KIRREL3: variants seen among roughly 807,000 people sequenced by gnomAD.
KIRREL3 encodes the protein kin of IRRE-like protein 3.
In KIRREL3, 36 loss-of-function variants were observed where a neutral mutation model predicts 89.7. The observed-to-expected ratio is 0.40, with a 90% confidence interval of 0.31 to 0.53. The LOEUF is 0.53. Among genes scored for constraint, KIRREL3 ranks in the 20% least tolerant of loss-of-function variants. The probability of loss-of-function intolerance (pLI) is 0.49; values close to 1 mark genes in which losing one functional copy is unlikely to be tolerated. For missense variants in KIRREL3, 864 were observed against 1,056.6 expected, an observed-to-expected ratio of 0.82 and a Z score of 2.53; for synonymous variants, 445 against 441.4, an observed-to-expected ratio of 1.01 and a Z score of -0.10.
Position 126,761,834 on chromosome 11 carries a change from C to T in KIRREL3, c.56-198922G>A, listed in dbSNP as rs1291795629. ...GAAGAAGTCTCCCTAGGAAGCTGCTCCCCGCTTTCAATCTCATTTTCTGAT... is the reference window on the plus strand; with the variant it reads ...GAAGAAGTCTCCCTAGGAAGCTGCTTCCCGCTTTCAATCTCATTTTCTGAT... On this transcript the variant is annotated intron_variant, in intron 1 of 16. Transcript: ENST00000525144. This position sits in a 1 kb window ranked among gnomAD's most constrained non-coding sequence, Gnocchi z 4.4. Among the ~76,000 whole-genome samples the T allele has an allele frequency of 6.6e-6, 1 of 152,128 alleles. No homozygotes were observed. The highest frequency in any genetic ancestry group is 1.5e-5 in the Non-Finnish European group (1 of 68,024).
In KIRREL3 at chr11:126,430,618, T is replaced by G. The variant is rs1020407289; in HGVS notation, c.1696+801A>C. 1.1e-4 allele frequency among the ~76,000 whole-genome samples: 17 copies of G among 152,172 alleles called. No homozygotes were observed. Among genetic ancestry groups the G allele is most frequent in the African/African-American group, 3.6e-4 (15 of 41,440 alleles). On this transcript the variant is annotated intron_variant, in intron 14 of 16. Transcript: ENST00000525144. The surrounding 1 kb of genome is among the most constrained non-coding windows in gnomAD (Gnocchi z 6.6). Reference sequence around the variant, plus strand: ...GTGCAGAAAATGCAAGGGGAACAGCTTTCTTCAAACATGTGCAGGCTGCCG... The same window carrying G: ...GTGCAGAAAATGCAAGGGGAACAGCGTTCTTCAAACATGTGCAGGCTGCCG...
intron 2 of KIRREL3, among the ~76,000 whole-genome samples, chr11:126,533,292 AGCCTCTTTGC>A (rs1367759852): frequency 6.6e-6 from 1 of 152,234 alleles, no homozygotes; most frequent in Non-Finnish European, 1.5e-5. Context: ...GTTCCAGAGC[AGCCTCTTTGC>A]GTCCTTATTT....
Position 126,694,195 on chromosome 11 carries a change from G to A in KIRREL3, c.56-131283C>T, listed in dbSNP as rs1727660268. Among the ~76,000 whole-genome samples the A allele has an allele frequency of 6.6e-6, 1 of 152,186 alleles. No homozygotes were observed. The highest frequency in any genetic ancestry group is 1.5e-5 in the Non-Finnish European group (1 of 68,018). On this transcript the variant is annotated intron_variant, in intron 1 of 16. Transcript: ENST00000525144. The surrounding 1 kb of genome is among the most constrained non-coding windows in gnomAD (Gnocchi z 4.4). ...CAGTAAAAGAAAATTGCAGGGATGG[G>A]GAAATAATGAAAAAGGCTCTTTGTT...
At chr11:126,793,770 C>T (rs1565736454) in intron 1 of KIRREL3, among the ~76,000 whole-genome samples, 1 of 152,206 alleles carries the variant, frequency 6.6e-6, no homozygotes, top group Non-Finnish European at 1.5e-5. Context: ...GAAGCGTGCT[C>T]ATGCTCATGA....
chr11:126,887,187 T>A lies in KIRREL3; in HGVS notation c.55+113268A>T, dbSNP rs560701157. On this transcript the variant is annotated intron_variant, in intron 1 of 16. Coordinates refer to ENST00000525144, the MANE Select transcript of KIRREL3 (RefSeq NM_032531.4). Reference sequence around the variant, plus strand: ...TTGGAAATGATTGCTTCTGAATAATTGAGGTATCATGTCATCTGCAACATC... The same window carrying A: ...TTGGAAATGATTGCTTCTGAATAATAGAGGTATCATGTCATCTGCAACATC... 5.3e-5 allele frequency among the ~76,000 whole-genome samples: 8 copies of A among 152,224 alleles called. No individual in the cohort carries two copies. The South Asian group carries it at 1.7e-3, about 32-fold the overall frequency.
chr11:126,618,237 G>A (rs1038822947), intron 1 of KIRREL3, among the ~76,000 whole-genome samples: 8 of 149,636 alleles, frequency 5.3e-5, no homozygotes, highest in African/African-American at 7.4e-5. Flanking sequence ...TTATAGTTAC[G>A]CATTGGCCAG....
At chr11:126,827,111 A>G (rs915754945) in intron 1 of KIRREL3, among the ~76,000 whole-genome samples, 4 of 152,014 alleles carry the variant, frequency 2.6e-5, no homozygotes, top group African/African-American at 9.7e-5. Context: ...ATAGAGAGGA[A>G]CAAAATGACA....
chr11:126,434,301 G>A (rs1955240334), intron 13 of KIRREL3, among the ~76,000 whole-genome samples: 1 of 152,250 alleles, frequency 6.6e-6, no homozygotes, highest in South Asian at 2.1e-4. Context: ...GGGAGCTCTG[G>A]ATGAGTGTCA....
At position 126,424,907 on chromosome 11, in the gene KIRREL3, G is replaced by A. The variant is rs757110113; in HGVS notation, c.2010C>T (p.Pro670=). The A allele has an allele frequency of 2.5e-6, 4 of 1,608,606 alleles. No individual in the cohort carries two copies. Among genetic ancestry groups the A allele is most frequent in the Non-Finnish European group, 3.4e-6 (4 of 1,175,546 alleles). ...AGATGTTGGTGAAGGACATGCCTGT[G>A]GGCACACGCTGCTTGCCCGCAGGAC... ...DLRPAGKQRV[P]TGMSFTNIYS... Residue 670 remains proline, a synonymous_variant, in exon 17 of 17, where the codon CCC becomes CCT. Coordinates refer to ENST00000525144, the MANE Select transcript of KIRREL3 (RefSeq NM_032531.4).
chr11:126,688,963 T>C (rs1041886888), intron 1 of KIRREL3, among the ~76,000 whole-genome samples: 2 of 151,860 alleles, frequency 1.3e-5, no homozygotes, highest in Non-Finnish European at 2.9e-5. Context: ...ATTTTTTTTT[T>C]CCGCTCTCAA....
intron 1 of KIRREL3, among the ~76,000 whole-genome samples, chr11:126,960,626 G>A (rs7103928): frequency 0.032 from 4,905 of 152,294 alleles, 251 homozygotes; most frequent in African/African-American, 0.11. Flanking sequence ...CAAATACCCT[G>A]CAAAATGCCA....
At chr11:126,727,017 C>T (rs745610183) in intron 1 of KIRREL3, among the ~76,000 whole-genome samples, 15 of 152,226 alleles carry the variant, frequency 9.9e-5, no homozygotes, top group African/African-American at 2.9e-4. Flanking sequence ...CAGATTTCCG[C>T]GTAGCCTACC....
chr11:126,451,558 G>T (rs375145222), intron 7 of KIRREL3, among the ~76,000 whole-genome samples: 1 of 145,748 alleles, frequency 6.9e-6, no homozygotes, highest in Non-Finnish European at 1.5e-5. Flanking sequence ...GTGTGCATGT[G>T]TGTGATCATG....
In KIRREL3 at chr11:126,430,376, C is replaced by T. The variant is rs776223271; in HGVS notation, c.1696+1043G>A. Among the ~76,000 whole-genome samples the T allele has an allele frequency of 6.6e-6, 1 of 152,014 alleles. No homozygotes were observed. Among genetic ancestry groups the T allele is most frequent in the Non-Finnish European group, 1.5e-5 (1 of 68,000 alleles). On this transcript the variant is annotated intron_variant, in intron 14 of 16. Transcript: ENST00000525144. This position sits in a 1 kb window ranked among gnomAD's most constrained non-coding sequence, Gnocchi z 6.6. Reference sequence around the variant, plus strand: ...ACGAGAATCGCTTGAACCTGGGAGGCGGAGGTTGCAGTGAGCTGAGATCGT... The same window carrying T: ...ACGAGAATCGCTTGAACCTGGGAGGTGGAGGTTGCAGTGAGCTGAGATCGT...
At chr11:126,809,274 C>A (rs933097858) in intron 1 of KIRREL3, among the ~76,000 whole-genome samples, 1 of 152,144 alleles carries the variant, frequency 6.6e-6, no homozygotes, top group Non-Finnish European at 1.5e-5. Flanking sequence ...ATGGAATCTC[C>A]TCCGTGCTCT....
chr11:126,846,143 T>C (rs1282982810), intron 1 of KIRREL3, among the ~76,000 whole-genome samples: 2 of 152,174 alleles, frequency 1.3e-5, no homozygotes, highest in African/African-American at 4.8e-5. Flanking sequence ...GTAGGAAACG[T>C]ACTTTTGGGA....
In KIRREL3 at chr11:126,429,955, T is replaced by C. The variant is rs1794007704; in HGVS notation, c.1697-667A>G. 6.7e-6 allele frequency among the ~76,000 whole-genome samples: 1 copy of C among 150,184 alleles called. No homozygotes were observed. The highest frequency in any genetic ancestry group is 2.5e-5 in the African/African-American group (1 of 40,594). On this transcript the variant is annotated intron_variant, in intron 14 of 16. Coordinates refer to ENST00000525144, the MANE Select transcript of KIRREL3 (RefSeq NM_032531.4). The surrounding 1 kb of genome is among the most constrained non-coding windows in gnomAD (Gnocchi z 5.2). ...TTTGACACCAGCCTGGCCAACATGG[T>C]GAAACCCCGTCTCTATTAAAAATCC...
chr11:126,438,614 A>C (rs1012789196), intron 11 of KIRREL3, among the ~76,000 whole-genome samples: 3 of 152,220 alleles, frequency 2.0e-5, no homozygotes, highest in Admixed American at 2.0e-4. Flanking sequence ...AAGGTGTGAA[A>C]ATGTCCAAGA....
chr11:126,891,707 C>T lies in KIRREL3; in HGVS notation c.55+108748G>A, dbSNP rs548886479. Among the ~76,000 whole-genome samples, 26 of 152,294 alleles carry T rather than the reference C, an allele frequency of 1.7e-4. No homozygotes were observed. Among genetic ancestry groups the T allele is most frequent in the Admixed American group, 1.4e-3 (21 of 15,304 alleles). On this transcript the variant is annotated intron_variant, in intron 1 of 16. Transcript: ENST00000525144. The surrounding 1 kb of genome is among the most constrained non-coding windows in gnomAD (Gnocchi z 5.1). ...TTGGCTTCTAAGATGCAGCCCTGACCGGCTGACTCAAAGGAAGTTGGCTGG... is the reference window on the plus strand; with the variant it reads ...TTGGCTTCTAAGATGCAGCCCTGACTGGCTGACTCAAAGGAAGTTGGCTGG...
Sources: allele counts gnomAD v4.1 joint callset (sites outside exome capture counted in the v4.1 genomes callset), GRCh38; gene constraint gnomAD v4.1.1; non-coding constraint Gnocchi (gnomAD v3.1); transcripts MANE v1.5; gene names NCBI Gene and HGNC (gene_info 2026-07-23, HGNC 2026-07-21).